Variants in CAMKMT observed in about 807,000 individuals in gnomAD.
CAMKMT encodes calmodulin-lysine N-methyltransferase, also known as CaM KMT.
In CAMKMT, 53 loss-of-function variants were observed where a neutral mutation model predicts 48.0. The ratio of observed to expected loss-of-function variants is 1.10; its 90% CI spans 0.89 to 1.39. CAMKMT has a LOEUF of 1.39. Ranked by LOEUF, CAMKMT falls within the 40% of genes most tolerant of loss-of-function variation. The pLI is 0.00. For missense variants in CAMKMT, 428 were observed against 402.7 expected (o/e 1.06, Z -0.54); for synonymous variants, 165 against 152.3 (o/e 1.08, Z -0.61).
At chr2:44,382,931 C>T (rs1161329361) in intron 2 of CAMKMT, among the ~76,000 whole-genome samples, 1 of 152,218 alleles carries the variant, frequency 6.6e-6, no homozygotes, top group African/African-American at 2.4e-5. Flanking sequence ...CAAAACACCA[C>T]ATACTGGGGG....
At chr2:44,715,394 G>A (rs770467291) in intron 7 of CAMKMT, 41 bp downstream of exon 7, 4 of 1,451,444 alleles carry the variant, frequency 2.8e-6, no homozygotes, top group Non-Finnish European at 2.9e-6. Flanking sequence ...CATTGAAATT[G>A]CTTTTCTTGA....
intron 9 of CAMKMT, among the ~76,000 whole-genome samples, chr2:44,758,648 C>T (rs193236314): frequency 6.6e-6 from 1 of 152,278 alleles, no homozygotes; most frequent in Non-Finnish European, 1.5e-5. Context: ...GAAGCAATGT[C>T]CCCCTCAACC....
chr2:44,633,713 C>T (rs905862784), intron 3 of CAMKMT, among the ~76,000 whole-genome samples: 1 of 151,724 alleles, frequency 6.6e-6, no homozygotes, highest in Non-Finnish European at 1.5e-5. Context: ...TTGCTAAATC[C>T]ATCATCTTTG....
At chr2:44,704,377 A>C in intron 4 of CAMKMT, 34 bp downstream of exon 4, 2 of 1,412,720 alleles carry the variant, frequency 1.4e-6, no homozygotes. Flanking sequence ...TTTTTAGCCC[A>C]TCACGGATAT....
intron 3 of CAMKMT, among the ~76,000 whole-genome samples, chr2:44,703,866 G>C (rs530032849): frequency 6.7e-6 from 1 of 149,794 alleles, no homozygotes; most frequent in Non-Finnish European, 1.5e-5. Context: ...CAGTGGTTTT[G>C]TTTGCTCCTG....
intron 3 of CAMKMT, among the ~76,000 whole-genome samples, chr2:44,435,579 C>T (rs1666186753): frequency 1.3e-5 from 2 of 152,146 alleles, no homozygotes; most frequent in African/African-American, 2.4e-5. Context: ...TAAAGGTGAT[C>T]CGAGTGAATC....
chr2:44,747,381 C>T (rs750823155), intron 8 of CAMKMT, among the ~76,000 whole-genome samples: 7 of 152,088 alleles, frequency 4.6e-5, no homozygotes, highest in South Asian at 2.1e-4. Flanking sequence ...TCACAACTCA[C>T]GGAAGTTTAC....
intron 3 of CAMKMT, among the ~76,000 whole-genome samples, chr2:44,455,886 A>G (rs191453617): frequency 6.6e-6 from 1 of 152,356 alleles, no homozygotes; most frequent in African/African-American, 2.4e-5. Context: ...ATTAAAGGTT[A>G]AAGTTATCAG....
intron 3 of CAMKMT, among the ~76,000 whole-genome samples, chr2:44,628,528 A>T (rs191512573): frequency 6.6e-6 from 1 of 150,780 alleles, no homozygotes; most frequent in Non-Finnish European, 1.5e-5. Context: ...TAGGTCATTG[A>T]TTTCAAACCT....
rs142675912 is a variant in CAMKMT at position 44,650,194 on chromosome 2, G to A, written c.377-54089G>A. Among the ~76,000 whole-genome samples, 175 of 152,292 alleles carry A rather than the reference G, an allele frequency of 1.1e-3. 1 individual carries two copies. The highest frequency in any genetic ancestry group is 4.0e-3 in the African/African-American group (168 of 41,554). On this transcript the variant is annotated intron_variant, in intron 3 of 10. Transcript: ENST00000378494. ...CCATCTGAAACCCCTAGGGGAGTCC[G>A]TCACTGCCTCCTTGTAGCTTCTGCT...
chr2:44,565,051 AT>A (rs1228823606), intron 3 of CAMKMT, among the ~76,000 whole-genome samples: 1 of 151,922 alleles, frequency 6.6e-6, no homozygotes, highest in Admixed American at 6.6e-5. Flanking sequence ...TCGTGTCCTA[AT>A]TTTTTTCTAC....
intron 3 of CAMKMT, among the ~76,000 whole-genome samples, chr2:44,523,022 C>T (rs1671200704): frequency 6.6e-6 from 1 of 151,958 alleles, no homozygotes; most frequent in African/African-American, 2.4e-5. Flanking sequence ...TTTATTTATG[C>T]TTCAGTGTTA....
chr2:44,607,591 A>G (rs1029015847), intron 3 of CAMKMT, among the ~76,000 whole-genome samples: 1 of 152,166 alleles, frequency 6.6e-6, no homozygotes, highest in South Asian at 2.1e-4. Flanking sequence ...TGAATTATTG[A>G]TATGTTTTTT....
intron 3 of CAMKMT, among the ~76,000 whole-genome samples, chr2:44,684,718 G>A (rs554580822): frequency 3.9e-5 from 6 of 152,286 alleles, no homozygotes; most frequent in African/African-American, 1.4e-4. Flanking sequence ...TTGCTGGCCT[G>A]GAAACTGGTA....
intron 3 of CAMKMT, among the ~76,000 whole-genome samples, chr2:44,631,103 T>C (rs1212775874): frequency 1.3e-5 from 2 of 152,194 alleles, no homozygotes; most frequent in African/African-American, 4.8e-5. Context: ...TGTAGGAACA[T>C]GGATAAAGTT....
At chr2:44,445,229 A>G (rs1159890799) in intron 3 of CAMKMT, among the ~76,000 whole-genome samples, 2 of 152,138 alleles carry the variant, frequency 1.3e-5, no homozygotes, top group Non-Finnish European at 2.9e-5. Flanking sequence ...CATGGCTACA[A>G]ACTGCTTTGG....
chr2:44,462,444 C>T (rs1325937169), intron 3 of CAMKMT, among the ~76,000 whole-genome samples: 1 of 151,852 alleles, frequency 6.6e-6, no homozygotes, highest in East Asian at 1.9e-4. Context: ...AATTTTTTTT[C>T]ATGTCAATGA....
At chr2:44,631,021 G>T (rs1339248584) in intron 3 of CAMKMT, among the ~76,000 whole-genome samples, 7 of 152,112 alleles carry the variant, frequency 4.6e-5, no homozygotes, top group African/African-American at 1.7e-4. Flanking sequence ...TGATAGACTG[G>T]ATTAAGAAAA....
chr2:44,388,447 C>A (rs1680988073), intron 2 of CAMKMT, among the ~76,000 whole-genome samples: 1 of 152,082 alleles, frequency 6.6e-6, no homozygotes, highest in Admixed American at 6.6e-5. Context: ...TTGGGCTTTG[C>A]CTTTCTCTGG....
Sources: allele counts gnomAD v4.1 joint callset (sites outside exome capture counted in the v4.1 genomes callset), GRCh38; gene constraint gnomAD v4.1.1; transcripts MANE v1.5; gene names NCBI Gene and HGNC (gene_info 2026-07-23, HGNC 2026-07-21).